Variants in GALNTL6 observed in about 807,000 individuals in gnomAD.
GALNTL6 encodes the protein polypeptide N-acetylgalactosaminyltransferase-like 6.
In GALNTL6, 46 loss-of-function variants were observed where a neutral mutation model predicts 73.7. The observed-to-expected ratio is 0.62, with a 90% confidence interval of 0.49 to 0.80. The LOEUF (loss-of-function observed/expected upper bound fraction) is 0.80, where lower values mean the gene tolerates loss of function less well. Ranked by LOEUF, GALNTL6 falls within the 30% of genes least tolerant of loss-of-function variation. GALNTL6 has a pLI of 0.00. For synonymous variants in GALNTL6, 259 were observed against 263.7 expected (o/e 0.98, Z 0.17); for missense variants, 604 against 755.0 (o/e 0.80, Z 2.34).
intron 8 of GALNTL6, among the ~76,000 whole-genome samples, chr4:172,888,165 T>C (rs1404223740): frequency 6.6e-6 from 1 of 152,248 alleles, no homozygotes; most frequent in Admixed American, 6.5e-5. Flanking sequence ...ATAGTTTCTT[T>C]TGCTGTGAAG....
At chr4:172,782,130 C>T (rs1010569101) in intron 5 of GALNTL6, among the ~76,000 whole-genome samples, 4 of 152,036 alleles carry the variant, frequency 2.6e-5, no homozygotes, top group African/African-American at 9.7e-5. Context: ...TTTGTTGACC[C>T]ACCTTGCCTT....
At chr4:172,427,381 G>C (rs1579061771) in intron 5 of GALNTL6, among the ~76,000 whole-genome samples, 1 of 152,018 alleles carries the variant, frequency 6.6e-6, no homozygotes, top group Non-Finnish European at 1.5e-5. Flanking sequence ...TCTCTATTAC[G>C]AGAACAGCAT....
At chr4:172,599,832 T>C (rs1430675907) in intron 5 of GALNTL6, among the ~76,000 whole-genome samples, 1 of 152,146 alleles carries the variant, frequency 6.6e-6, no homozygotes, top group Non-Finnish European at 1.5e-5. Flanking sequence ...AAATGCTACT[T>C]AGTCACATTG....
chr4:173,020,814 T>A lies in GALNTL6; in HGVS notation c.1489-662T>A, dbSNP rs530399831. On this transcript the variant is annotated intron_variant, in intron 11 of 12. Coordinates refer to ENST00000506823, the MANE Select transcript of GALNTL6 (RefSeq NM_001034845.3). ...CTGGCCAGGCACAGTGGCTCATGCCTGTAATCCCAGCACTTTGGGAAGCCA... is the reference window on the plus strand; with the variant it reads ...CTGGCCAGGCACAGTGGCTCATGCCAGTAATCCCAGCACTTTGGGAAGCCA... Among the ~76,000 whole-genome samples, 8 of 152,328 alleles carry A rather than the reference T, an allele frequency of 5.3e-5. No homozygotes were observed. The South Asian group carries it at 1.7e-3, about 32-fold the overall frequency.
intron 5 of GALNTL6, among the ~76,000 whole-genome samples, chr4:172,583,967 A>T (rs927039594): frequency 6.6e-6 from 1 of 152,028 alleles, no homozygotes; most frequent in South Asian, 2.1e-4. Flanking sequence ...TAGGATTCAA[A>T]ATCTTCTGGT....
intron 5 of GALNTL6, among the ~76,000 whole-genome samples, chr4:172,388,440 C>A (rs913150795): frequency 6.6e-6 from 1 of 151,992 alleles, no homozygotes; most frequent in African/African-American, 2.4e-5. Context: ...ATATATGCCA[C>A]AGAAAGTATT....
chr4:171,876,265 TAAAAC>T (rs1736275504), intron 2 of GALNTL6, among the ~76,000 whole-genome samples: 3 of 152,166 alleles, frequency 2.0e-5, no homozygotes, highest in Admixed American at 2.0e-4. Flanking sequence ...AAAGACGTCT[TAAAAC>T]AAATTGCGTA....
intron 3 of GALNTL6, among the ~76,000 whole-genome samples, chr4:172,256,539 C>T (rs1738084377): frequency 6.6e-6 from 1 of 151,448 alleles, no homozygotes; most frequent in South Asian, 2.1e-4. Flanking sequence ...TGCAATTTCT[C>T]TGATCTCCTG....
At chr4:172,058,803 T>C (rs1212972399) in intron 2 of GALNTL6, among the ~76,000 whole-genome samples, 3 of 152,330 alleles carry the variant, frequency 2.0e-5, no homozygotes, top group African/African-American at 7.2e-5. Context: ...TTCCAGAACC[T>C]ACTTTACTTT....
At chr4:172,923,194 A>C (rs1388612297) in intron 8 of GALNTL6, among the ~76,000 whole-genome samples, 2 of 152,076 alleles carry the variant, frequency 1.3e-5, no homozygotes, top group African/African-American at 2.4e-5. Context: ...CAATTTACAA[A>C]ATAAAGAGGT....
intron 5 of GALNTL6, among the ~76,000 whole-genome samples, chr4:172,552,552 G>T (rs533278936): frequency 6.6e-6 from 1 of 151,946 alleles, no homozygotes; most frequent in Admixed American, 6.6e-5. Flanking sequence ...TCCAAATTTC[G>T]TGATTGTTTT....
At chr4:171,938,866 T>C (rs910418610) in intron 2 of GALNTL6, among the ~76,000 whole-genome samples, 6 of 152,148 alleles carry the variant, frequency 3.9e-5, no homozygotes, top group African/African-American at 1.2e-4. Context: ...GTGTGTAGGC[T>C]GCAGAAGTAG....
Position 172,641,722 on chromosome 4 carries a change from A to G in GALNTL6, c.554-167639A>G, listed in dbSNP as rs837219. ...TTACCATTTATGTAACATATTATCA[A>G]ATTTACTTATTCATTATATTTATTT... On this transcript the variant is annotated intron_variant, in intron 5 of 12. Transcript: ENST00000506823. 8.6e-3 allele frequency among the ~76,000 whole-genome samples: 1,304 copies of G among 152,096 alleles called. 20 individuals are homozygous for G. Among genetic ancestry groups the G allele is most frequent in the African/African-American group, 0.03 (1,251 of 41,498 alleles).
intron 5 of GALNTL6, among the ~76,000 whole-genome samples, chr4:172,368,206 C>G (rs953943045): frequency 2.6e-5 from 4 of 152,030 alleles, no homozygotes; most frequent in African/African-American, 4.8e-5. Flanking sequence ...TAGTAAAACT[C>G]CGTCTCTACT....
intron 5 of GALNTL6, among the ~76,000 whole-genome samples, chr4:172,633,354 G>A (rs1194388491): frequency 1.3e-5 from 2 of 152,236 alleles, no homozygotes; most frequent in Non-Finnish European, 2.9e-5. Context: ...TGACCTGGAT[G>A]TAAGACATGG....
intron 2 of GALNTL6, among the ~76,000 whole-genome samples, chr4:172,057,714 AAAAAAAAAAAAAAAT>A (rs1456156117): frequency 1.3e-5 from 1 of 76,590 alleles, no homozygotes; most frequent in African/African-American, 4.5e-5. Flanking sequence ...AAAAAAAAAA[AAAAAAAAAAAAAAAT>A]ATATATATAT....
At chr4:172,772,584 CTGTT>C (rs58431413) in intron 5 of GALNTL6, among the ~76,000 whole-genome samples, 78,392 of 151,478 alleles carry the variant, frequency 0.52, 21,080 homozygotes, top group East Asian at 0.78. Context: ...TTTCATTGGT[CTGTT>C]TATCTATCCT....
intron 2 of GALNTL6, among the ~76,000 whole-genome samples, chr4:172,089,352 A>G (rs1732133374): frequency 6.6e-6 from 1 of 152,228 alleles, no homozygotes. Context: ...AGGAGGGCAG[A>G]CAGCGGCAAT....
chr4:172,992,257 T>C (rs1751577282), intron 10 of GALNTL6, among the ~76,000 whole-genome samples: 1 of 152,210 alleles, frequency 6.6e-6, no homozygotes, highest in African/African-American at 2.4e-5. Flanking sequence ...TTACTTACGA[T>C]TTAAAATTTG....
Sources: allele counts gnomAD v4.1 joint callset (sites outside exome capture counted in the v4.1 genomes callset), GRCh38; gene constraint gnomAD v4.1.1; transcripts MANE v1.5; gene names NCBI Gene and HGNC (gene_info 2026-07-23, HGNC 2026-07-21).